RUNDC3B: variants seen among roughly 807,000 people sequenced by gnomAD.
The protein encoded by RUNDC3B is RUN domain containing 3B, also known as RUN domain-containing protein 3B.
A neutral mutation model predicts 58.4 loss-of-function variants in RUNDC3B; 33 were observed. The observed-to-expected ratio is 0.56, with a 90% confidence interval of 0.43 to 0.75. The LOEUF (loss-of-function observed/expected upper bound fraction) is 0.75, where lower values mean the gene tolerates loss of function less well. Ranked by LOEUF, RUNDC3B falls within the 30% of genes least tolerant of loss-of-function variation. RUNDC3B has a pLI of 0.00. For synonymous variants in RUNDC3B, 193 were observed against 195.2 expected (o/e 0.99, Z 0.10); for missense variants, 501 against 535.7 (o/e 0.94, Z 0.64).
chr7:87,648,836 G>T (rs1217299998), intron 1 of RUNDC3B, among the ~76,000 whole-genome samples: 1 of 151,666 alleles, frequency 6.6e-6, no homozygotes, highest in African/African-American at 2.4e-5. Flanking sequence ...TTACTGTTAT[G>T]GTCCTGTACT....
chr7:87,647,891 T>G (rs1449680757), intron 1 of RUNDC3B, among the ~76,000 whole-genome samples: 1 of 151,616 alleles, frequency 6.6e-6, no homozygotes, highest in African/African-American at 2.4e-5. Context: ...AGAAAAGAAA[T>G]GGAAAATGAT....
intron 3 of RUNDC3B, among the ~76,000 whole-genome samples, chr7:87,708,753 G>A (rs187105740): frequency 1.2e-3 from 186 of 152,154 alleles, no homozygotes; most frequent in African/African-American, 4.3e-3. Context: ...GTGGTAAAAT[G>A]AATTTCTTCT....
intron 1 of RUNDC3B, among the ~76,000 whole-genome samples, chr7:87,637,837 C>A (rs1477799151): frequency 1.3e-5 from 2 of 151,832 alleles, no homozygotes; most frequent in Non-Finnish European, 2.9e-5. Flanking sequence ...TTTCTGAGTG[C>A]ACAGTCATGT....
chr7:87,699,250 T>C (rs563862621), intron 2 of RUNDC3B, among the ~76,000 whole-genome samples: 3 of 152,190 alleles, frequency 2.0e-5, no homozygotes, highest in African/African-American at 7.2e-5. Context: ...TTTCAAAATA[T>C]GAAAGCAAAT....
chr7:87,797,233 A>G (rs1221278990), intron 8 of RUNDC3B, among the ~76,000 whole-genome samples: 1 of 152,218 alleles, frequency 6.6e-6, no homozygotes, highest in Non-Finnish European at 1.5e-5. Flanking sequence ...TAAGTACATT[A>G]TTAAAATTTC....
intron 8 of RUNDC3B, among the ~76,000 whole-genome samples, chr7:87,779,414 A>C (rs1007569212): frequency 6.6e-6 from 1 of 152,330 alleles, no homozygotes; most frequent in African/African-American, 2.4e-5. Context: ...CCTTATGATT[A>C]GAATGAGCTT....
At chr7:87,788,378 A>G (rs75492619) in intron 8 of RUNDC3B, among the ~76,000 whole-genome samples, 2 of 152,232 alleles carry the variant, frequency 1.3e-5, no homozygotes, top group African/African-American at 4.8e-5. Context: ...CACTGTGTCC[A>G]AAACAAAGAG....
intron 6 of RUNDC3B, among the ~76,000 whole-genome samples, chr7:87,744,059 T>G (rs1175381646): frequency 6.6e-6 from 1 of 152,212 alleles, no homozygotes; most frequent in Non-Finnish European, 1.5e-5. Flanking sequence ...CATCATTTGT[T>G]GAAAAGGGTG....
chr7:87,645,971 T>G (rs1360621765), intron 1 of RUNDC3B, among the ~76,000 whole-genome samples: 1 of 152,226 alleles, frequency 6.6e-6, no homozygotes, highest in Non-Finnish European at 1.5e-5. Flanking sequence ...CTGACTTTGA[T>G]ATAATAGAAA....
Position 87,831,086 on chromosome 7 carries a change from T to A in RUNDC3B, c.*1056T>A, listed in dbSNP as rs1563242277. 1 of 151,614 alleles carries A rather than the reference T, an allele frequency of 6.6e-6. No individual in the cohort carries two copies. The allele number at this position is 151,614 out of a possible 1,614,324, so 9.4% of individuals were successfully genotyped here. A position where few individuals can be genotyped will look rare whatever the true frequency, so the allele number is the denominator to read the frequency against. On this transcript the variant is annotated 3_prime_UTR_variant, in exon 11 of 11. Coordinates refer to ENST00000394654, the MANE Select transcript of RUNDC3B (RefSeq NM_001134405.2). Reference sequence around the variant, plus strand: ...ACACAGGTAAAATTAGTTTTTTTTTTTTTAAAGTTGTAATCTGTACTTTTT... The same window carrying A: ...ACACAGGTAAAATTAGTTTTTTTTTATTTAAAGTTGTAATCTGTACTTTTT...
intron 1 of RUNDC3B, among the ~76,000 whole-genome samples, chr7:87,637,934 G>A (rs1021711508): frequency 6.6e-6 from 1 of 151,854 alleles, no homozygotes; most frequent in Non-Finnish European, 1.5e-5. Context: ...CTAATGCAGT[G>A]TTGCAGAAAA....
chr7:87,722,128 T>G (rs1830938771), intron 4 of RUNDC3B, among the ~76,000 whole-genome samples: 1 of 152,090 alleles, frequency 6.6e-6, no homozygotes, highest in South Asian at 2.1e-4. Context: ...CTTGATGTTT[T>G]GATATATATT....
chr7:87,704,127 G>T (rs1056679968), intron 3 of RUNDC3B, among the ~76,000 whole-genome samples: 3 of 151,566 alleles, frequency 2.0e-5, no homozygotes, highest in Non-Finnish European at 4.4e-5. Context: ...CACCATATTG[G>T]CCAGGCTGGT....
intron 4 of RUNDC3B, among the ~76,000 whole-genome samples, chr7:87,737,155 C>G (rs1434012104): frequency 6.6e-6 from 1 of 151,132 alleles, no homozygotes; most frequent in Non-Finnish European, 1.5e-5. Flanking sequence ...TGTTAAGGCT[C>G]CAGAAGTGCT....
At chr7:87,786,798 G>A (rs909235828) in intron 8 of RUNDC3B, among the ~76,000 whole-genome samples, 1 of 152,076 alleles carries the variant, frequency 6.6e-6, no homozygotes, top group African/African-American at 2.4e-5. Context: ...AAACTTTCAA[G>A]TTTGAGAAAT....
At position 87,768,538 on chromosome 7, in the gene RUNDC3B, A is replaced by T. The variant is rs190215999; in HGVS notation, c.630-2043A>T. ...GTGAGCCCAGCTGCACAAGCTGACC[A>T]CCTGGTGCTCTGCCCACAGGATGTT... On this transcript the variant is annotated intron_variant, in intron 6 of 10. Transcript: ENST00000394654. Among the ~76,000 whole-genome samples the T allele has an allele frequency of 7.5e-4, 114 of 152,308 alleles. 2 individuals carry two copies. Among genetic ancestry groups the T allele is most frequent in the Non-Finnish European group, 5.9e-4 (40 of 68,020 alleles).
At chr7:87,656,939 A>G (rs1281039764) in intron 2 of RUNDC3B, among the ~76,000 whole-genome samples, 3 of 152,184 alleles carry the variant, frequency 2.0e-5, no homozygotes, top group Non-Finnish European at 4.4e-5. Context: ...TGCTGGGCAT[A>G]CAGTAGGGAA....
chr7:87,634,031 A>G (rs1216611905), intron 1 of RUNDC3B, among the ~76,000 whole-genome samples: 1 of 152,144 alleles, frequency 6.6e-6, no homozygotes, highest in East Asian at 1.9e-4. Context: ...AAGGGGAAGC[A>G]GGCAGGTGTG....
intron 7 of RUNDC3B, among the ~76,000 whole-genome samples, chr7:87,774,855 G>A (rs139289179): frequency 1.1e-4 from 17 of 152,206 alleles, no homozygotes; most frequent in East Asian, 5.8e-4. Context: ...TGATGTAGCC[G>A]TGATGATGTT....
Sources: allele counts gnomAD v4.1 joint callset (sites outside exome capture counted in the v4.1 genomes callset), GRCh38; gene constraint gnomAD v4.1.1; transcripts MANE v1.5; gene names NCBI Gene and HGNC (gene_info 2026-07-23, HGNC 2026-07-21).